The following ATF6 variants were observed in gnomAD, a reference collection of about 807,000 sequenced individuals.
The protein encoded by ATF6 is cyclic AMP-dependent transcription factor ATF-6 alpha.
In ATF6, 53 loss-of-function variants were observed where a neutral mutation model predicts 83.6. The ratio of observed to expected loss-of-function variants is 0.63; its 90% CI spans 0.51 to 0.80. The LOEUF is 0.80. ATF6 is among the 30% of genes least tolerant of loss of function. ATF6 has a pLI of 0.00. For synonymous variants in ATF6, 288 were observed against 285.8 expected, an observed-to-expected ratio of 1.01 and a Z score of -0.08; for missense variants, 744 against 797.9, an observed-to-expected ratio of 0.93 and a Z score of 0.81.
At chr1:161,835,482 A>G (rs1349369278) in intron 9 of ATF6, among the ~76,000 whole-genome samples, 3 of 152,198 alleles carry the variant, frequency 2.0e-5, no homozygotes, top group Non-Finnish European at 4.4e-5. Context: ...AAGTATGTCT[A>G]GGGTTGAAAA....
chr1:161,773,251 A>C (rs1684435897), intron 1 of ATF6, among the ~76,000 whole-genome samples: 1 of 151,242 alleles, frequency 6.6e-6, no homozygotes, highest in African/African-American at 2.4e-5. Context: ...CTTCTGCCTC[A>C]GCCTTCCGAG....
At chr1:161,930,851 C>T (rs933333282) in intron 15 of ATF6, among the ~76,000 whole-genome samples, 5 of 152,132 alleles carry the variant, frequency 3.3e-5, no homozygotes, top group Non-Finnish European at 7.3e-5. Context: ...ATACAAACTG[C>T]TCCATCTAAA....
chr1:161,875,306 G>A (rs975111180), intron 14 of ATF6, among the ~76,000 whole-genome samples: 3 of 151,786 alleles, frequency 2.0e-5, no homozygotes, highest in Admixed American at 6.6e-5. Context: ...AGCCAAATCT[G>A]TGAACTTTTA....
intron 14 of ATF6, among the ~76,000 whole-genome samples, chr1:161,868,616 A>AGTG (rs1397315181): frequency 5.3e-5 from 8 of 151,900 alleles, no homozygotes; most frequent in Admixed American, 4.6e-4. Context: ...GAGAAGTCAC[A>AGTG]GTGATGGAAG....
At chr1:161,955,065 CCTAAT>C (rs1688938899) in intron 15 of ATF6, among the ~76,000 whole-genome samples, 1 of 152,096 alleles carries the variant, frequency 6.6e-6, no homozygotes, top group African/African-American at 2.4e-5. Context: ...CTCACAATTC[CCTAAT>C]CTAATGTTGA....
At chr1:161,799,949 TAAAC>T (rs1571141865) in intron 6 of ATF6, among the ~76,000 whole-genome samples, 2 of 152,324 alleles carry the variant, frequency 1.3e-5, no homozygotes, top group East Asian at 1.9e-4. Flanking sequence ...TTTTTTTTCT[TAAAC>T]AAATTATAAA....
intron 14 of ATF6, among the ~76,000 whole-genome samples, chr1:161,904,588 A>G (rs1438174426): frequency 1.3e-5 from 2 of 151,558 alleles, no homozygotes; most frequent in Non-Finnish European, 2.9e-5. Flanking sequence ...ACTGTATAAA[A>G]CAAAACAAAA....
intron 14 of ATF6, among the ~76,000 whole-genome samples, chr1:161,897,096 T>C (rs1414191987): frequency 6.6e-6 from 1 of 152,174 alleles, no homozygotes; most frequent in East Asian, 1.9e-4. Context: ...GAAGTTGAAA[T>C]GTTTCCAACT....
chr1:161,933,997 A>G (rs1281926821), intron 15 of ATF6, among the ~76,000 whole-genome samples: 1 of 152,250 alleles, frequency 6.6e-6, no homozygotes, highest in Admixed American at 6.5e-5. Flanking sequence ...ACCATCAAAA[A>G]GCAAGAGACA....
intron 14 of ATF6, among the ~76,000 whole-genome samples, chr1:161,873,423 A>T (rs1419613755): frequency 6.6e-6 from 1 of 151,512 alleles, no homozygotes; most frequent in Non-Finnish European, 1.5e-5. Context: ...AATTAGGAAA[A>T]ATTGATGACT....
At chr1:161,875,766 CA>C (rs1227921649) in intron 14 of ATF6, among the ~76,000 whole-genome samples, 1 of 151,850 alleles carries the variant, frequency 6.6e-6, no homozygotes, top group Non-Finnish European at 1.5e-5. Flanking sequence ...CTCAGTTACA[CA>C]AGTGGTTTTC....
intron 14 of ATF6, among the ~76,000 whole-genome samples, chr1:161,877,403 C>T (rs1687238206): frequency 6.6e-6 from 1 of 151,998 alleles, no homozygotes; most frequent in African/African-American, 2.4e-5. Context: ...GCTGATATCT[C>T]AAACATGGGG....
chr1:161,798,101 T>G (rs1203686741), intron 6 of ATF6, among the ~76,000 whole-genome samples: 1 of 152,212 alleles, frequency 6.6e-6, no homozygotes, highest in Non-Finnish European at 1.5e-5. Flanking sequence ...GATAACTGGC[T>G]AGCCATATGC....
chr1:161,804,663 G>A (rs184998226), intron 7 of ATF6, among the ~76,000 whole-genome samples: 2 of 136,074 alleles, frequency 1.5e-5, no homozygotes, highest in African/African-American at 4.9e-5. Flanking sequence ...AAAACCAGAA[G>A]AGCAACCCCC....
chr1:161,921,061 A>T (rs965767840), intron 15 of ATF6, among the ~76,000 whole-genome samples: 1 of 151,970 alleles, frequency 6.6e-6, no homozygotes, highest in African/African-American at 2.4e-5. Context: ...TTGTTTTATT[A>T]TATTGAGAAG....
intron 14 of ATF6, among the ~76,000 whole-genome samples, chr1:161,878,874 G>A (rs1687270717): frequency 6.6e-6 from 1 of 152,152 alleles, no homozygotes; most frequent in African/African-American, 2.4e-5. Context: ...TAGTAAGGAA[G>A]TGAGAACAGC....
chr1:161,788,014 A>T (rs1444470503), intron 4 of ATF6, among the ~76,000 whole-genome samples: 1 of 152,216 alleles, frequency 6.6e-6, no homozygotes, highest in African/African-American at 2.4e-5. Flanking sequence ...TTTTACCTAC[A>T]CCATAATGAA....
intron 7 of ATF6, among the ~76,000 whole-genome samples, chr1:161,812,784 C>CTGTGTGTGTGTGTGTG (rs4040222): frequency 6.9e-6 from 1 of 145,328 alleles, no homozygotes; most frequent in African/African-American, 2.5e-5. Context: ...TTTGCCTCCT[C>CTGTGTGTGTGTGTGTG]TGTGTGTGTG....
chr1:161,937,712 G>A (rs542753396), intron 15 of ATF6, among the ~76,000 whole-genome samples: 1 of 151,846 alleles, frequency 6.6e-6, no homozygotes, highest in Admixed American at 6.6e-5. Flanking sequence ...GACACAGGGA[G>A]GGGAACATCA....
Sources: allele counts gnomAD v4.1 joint callset (sites outside exome capture counted in the v4.1 genomes callset), GRCh38; gene constraint gnomAD v4.1.1; transcripts MANE v1.5; gene names NCBI Gene and HGNC (gene_info 2026-07-23, HGNC 2026-07-21).